The following PDE7A variants were observed in gnomAD, a reference collection of about 807,000 sequenced individuals.
PDE7A encodes high affinity 3',5'-cyclic-AMP phosphodiesterase 7A.
A neutral mutation model predicts 64.3 loss-of-function variants in PDE7A; 39 were observed. That is an observed-to-expected ratio of 0.61 (90% CI 0.47 to 0.79). The LOEUF (loss-of-function observed/expected upper bound fraction) is 0.79. PDE7A is among the 30% of genes least tolerant of loss of function. The probability of loss-of-function intolerance (pLI) is 0.00; values close to 1 mark genes in which losing one functional copy is unlikely to be tolerated. For missense variants in PDE7A, 470 were observed against 582.8 expected (o/e 0.81, Z 1.99); for synonymous variants, 203 against 206.8 (o/e 0.98, Z 0.16).
intron 1 of PDE7A, among the ~76,000 whole-genome samples, chr8:65,822,290 T>C (rs889286694): frequency 6.6e-6 from 1 of 152,124 alleles, no homozygotes; most frequent in Non-Finnish European, 1.5e-5. Flanking sequence ...GCTCCAGAAA[T>C]CCTCCGTCAT....
intron 7 of PDE7A, among the ~76,000 whole-genome samples, chr8:65,731,309 C>G (rs1181587335): frequency 6.6e-6 from 1 of 152,082 alleles, no homozygotes; most frequent in African/African-American, 2.4e-5. Context: ...GATGCGGGGG[C>G]CAGGGAGGGA....
At position 65,718,437 on chromosome 8, in the gene PDE7A, C is replaced by CA. The variant is rs1806233411; in HGVS notation, c.*852dup. The CA allele has an allele frequency of 6.6e-6, 1 of 152,226 alleles. No individual in the cohort carries two copies. Among genetic ancestry groups the CA allele is most frequent in the African/African-American group, 2.4e-5 (1 of 41,434 alleles). 9.4% of individuals were successfully genotyped at this position (152,226 alleles called of 1,614,324 possible). A position where few individuals can be genotyped will look rare whatever the true frequency, so the allele number is the denominator to read the frequency against. Reference sequence around the variant, plus strand: ...CCTGAGCTGATTATGGTGTTTTAAACATTCCACCTTTTTCTCGCATGTGCA... The same window carrying CA: ...CCTGAGCTGATTATGGTGTTTTAAACAATTCCACCTTTTTCTCGCATGTGCA... On this transcript the variant is annotated 3_prime_UTR_variant, in exon 13 of 13. Transcript: ENST00000401827.
At chr8:65,744,656 A>C (rs1352941527) in intron 5 of PDE7A, among the ~76,000 whole-genome samples, 1 of 152,220 alleles carries the variant, frequency 6.6e-6, no homozygotes, top group Non-Finnish European at 1.5e-5. Context: ...TTTGGTCAGG[A>C]AACAGGCATA....
At chr8:65,792,631 G>A (rs1249930609) in intron 1 of PDE7A, among the ~76,000 whole-genome samples, 1 of 152,136 alleles carries the variant, frequency 6.6e-6, no homozygotes, top group East Asian at 1.9e-4. Context: ...AGTGTCTGTA[G>A]AAAACTATAA....
intron 3 of PDE7A, among the ~76,000 whole-genome samples, chr8:65,751,406 C>T (rs1447373296): frequency 6.6e-6 from 1 of 151,948 alleles, no homozygotes; most frequent in Non-Finnish European, 1.5e-5. Flanking sequence ...TCCCCTTATA[C>T]AACCACTCTC....
intron 1 of PDE7A, among the ~76,000 whole-genome samples, chr8:65,822,729 G>C (rs1160683818): frequency 6.6e-6 from 1 of 152,130 alleles, no homozygotes; most frequent in African/African-American, 2.4e-5. Context: ...CTGGACTCAG[G>C]AAGCAAAGAA....
At chr8:65,724,994 A>G (rs1806550335) in intron 9 of PDE7A, 73 bp from the exon 10 acceptor site, 1 of 982,238 alleles carries the variant, frequency 1.0e-6, no homozygotes, top group Non-Finnish European at 1.5e-6. Context: ...TTTCTTAACC[A>G]TAATAATCGG....
rs897169391 is a variant in PDE7A, at chr8:65,716,108, G to A, written c.*3182C>T. ...AGGAGGTGGAGGCTGCAGTGATCAT[G>A]CCACTGCACTCCAGCCTAGTTAGCA... is the stretch of plus-strand genomic sequence containing the variant. On this transcript the variant is annotated 3_prime_UTR_variant, in exon 13 of 13. Coordinates refer to ENST00000401827, the MANE Select transcript of PDE7A (RefSeq NM_001242318.3). 4.2e-5 allele frequency among the ~76,000 whole-genome samples: 6 copies of A among 143,990 alleles called. No individual in the cohort carries two copies. Among genetic ancestry groups the A allele is most frequent in the Non-Finnish European group, 7.5e-5 (5 of 66,686 alleles). The allele number at this position is 143,990 out of a possible 152,430, so 94.5% of individuals were successfully genotyped here.
intron 3 of PDE7A, among the ~76,000 whole-genome samples, chr8:65,779,117 ATAGTTTTCTCATTTTT>A (rs1316183617): frequency 6.6e-6 from 1 of 152,238 alleles, no homozygotes; most frequent in Non-Finnish European, 1.5e-5. Flanking sequence ...TACATTTTGA[ATAGTTTTCTCATTTTT>A]TAGAGCATCA....
intron 1 of PDE7A, among the ~76,000 whole-genome samples, chr8:65,835,627 G>C (rs1810933713): frequency 6.6e-6 from 1 of 152,224 alleles, no homozygotes; most frequent in African/African-American, 2.4e-5. Flanking sequence ...AAGAAGAGAA[G>C]AGTTGAAAAT....
At chr8:65,816,729 T>C (rs1266718782) in intron 1 of PDE7A, among the ~76,000 whole-genome samples, 1 of 152,230 alleles carries the variant, frequency 6.6e-6, no homozygotes, top group Non-Finnish European at 1.5e-5. Flanking sequence ...TGCTGATGCT[T>C]CCCTCTTGTG....
chr8:65,832,888 C>T (rs1810866955), intron 1 of PDE7A, among the ~76,000 whole-genome samples: 1 of 152,168 alleles, frequency 6.6e-6, no homozygotes, highest in African/African-American at 2.4e-5. Context: ...TTATTTTACC[C>T]TCTGAGGTAA....
chr8:65,729,761 G>A (rs1378136370), intron 7 of PDE7A, among the ~76,000 whole-genome samples: 1 of 151,182 alleles, frequency 6.6e-6, no homozygotes, highest in Non-Finnish European at 1.5e-5. Context: ...TAGAGATGGG[G>A]TTTCACCATG....
intron 3 of PDE7A, chr8:65,770,964 C>T: frequency 3.6e-6 from 1 of 277,004 alleles, no homozygotes; most frequent in Non-Finnish European, 7.2e-6. Flanking sequence ...TCGTTAAAGT[C>T]AGAACCTGCT....
At chr8:65,788,827 T>C (rs1396405097) in intron 1 of PDE7A, 10 of 1,230,884 alleles carry the variant, frequency 8.1e-6, no homozygotes, top group Non-Finnish European at 1.2e-5. Flanking sequence ...TTAATTCCTA[T>C]CAAATATGTA....
chr8:65,729,958 G>T (rs1408249955), intron 7 of PDE7A, among the ~76,000 whole-genome samples: 1 of 151,912 alleles, frequency 6.6e-6, no homozygotes, highest in African/African-American at 2.4e-5. Context: ...AAAAGGACAA[G>T]GCGGTCCTCG....
At position 65,802,089 on chromosome 8, in the gene PDE7A, A is replaced by T. The variant is rs150378756; in HGVS notation, c.139-19246T>A. Among the ~76,000 whole-genome samples, 342 of 152,354 alleles carry T rather than the reference A, an allele frequency of 2.2e-3. 2 individuals are homozygous for T. Among genetic ancestry groups the T allele is most frequent in the African/African-American group, 8.0e-3 (333 of 41,590 alleles). The stretch of plus-strand genomic sequence containing the variant: ...AGAAATTTAAAAGTTAAGCCACATG[A>T]TCTAACATCAACAAAACTTTCTCAT... On this transcript the variant is annotated intron_variant, in intron 1 of 12. Coordinates refer to ENST00000401827, the MANE Select transcript of PDE7A (RefSeq NM_001242318.3).
chr8:65,792,072 T>G (rs11784774), intron 1 of PDE7A, among the ~76,000 whole-genome samples: 6 of 152,168 alleles, frequency 3.9e-5, no homozygotes, highest in African/African-American at 7.2e-5. Context: ...TTTTCCAGAG[T>G]TGGATCATGT....
intron 7 of PDE7A, among the ~76,000 whole-genome samples, chr8:65,734,053 A>G (rs577241185): frequency 6.6e-6 from 1 of 152,176 alleles, no homozygotes; most frequent in East Asian, 1.9e-4. Flanking sequence ...TCTATACTTC[A>G]GACTCTTTTA....
Sources: gnomAD v4.1 joint callset for allele counts (sites outside exome capture counted in the v4.1 genomes callset) on GRCh38, gnomAD v4.1.1 for gene constraint, MANE v1.5 for transcripts, NCBI Gene and HGNC (gene_info 2026-07-23, HGNC 2026-07-21) for gene names.